Variants in MCM6 observed in about 807,000 individuals in gnomAD.
MCM6 encodes the protein minichromosome maintenance complex component 6.
A neutral mutation model predicts 94.3 loss-of-function variants in MCM6; 46 were observed. That is an observed-to-expected ratio of 0.49 (90% CI 0.39 to 0.62). The LOEUF (loss-of-function observed/expected upper bound fraction) is 0.62. Among genes scored for constraint, MCM6 ranks in the 20% least tolerant of loss-of-function variants. The pLI, the probability that MCM6 is intolerant of heterozygous loss-of-function variation, is 0.00. For missense variants in MCM6, 865 were observed against 1,017.9 expected (o/e 0.85, Z 2.04); for synonymous variants, 335 against 351.9 (o/e 0.95, Z 0.54).
chr2:135,871,137 G>A (rs1012139683), intron 2 of MCM6, among the ~76,000 whole-genome samples: 4 of 152,106 alleles, frequency 2.6e-5, no homozygotes, highest in Non-Finnish European at 5.9e-5. Context: ...CATTTGACTG[G>A]TGAGAGTGAA....
chr2:135,864,521 C>T (rs1421633750), intron 7 of MCM6, among the ~76,000 whole-genome samples: 1 of 151,970 alleles, frequency 6.6e-6, no homozygotes, highest in African/African-American at 2.4e-5. Context: ...ACAAAAAGGC[C>T]AGGAGACTAG....
Position 135,866,621 on chromosome 2 carries a change from C to A in MCM6, c.723G>T (p.Lys241Asn). 1 of 1,614,188 alleles carries A rather than the reference C, an allele frequency of 6.2e-7. No individual in the cohort carries two copies. The highest frequency in any genetic ancestry group is 1.1e-5 in the South Asian group (1 of 91,082). Residue 241 changes from lysine (K) to asparagine (N), a missense_variant, in exon 5 of 17, where the codon AAG becomes AAT. This residue lies in a region of MCM6 where 404 missense variants were observed against 451.9 expected (regional missense o/e 0.89). Transcript: ENST00000264156. ...EAVESAQAGD[K>N]CDFTGTLIVV... is the part of the protein sequence containing the mutation. ...CAATCAGTGTCCCTGTAAAGTCACA[C>A]TTGTCACCAGCTTGAGCTGATTCCA...
chr2:135,842,361 A>C (rs1679591279), intron 16 of MCM6, among the ~76,000 whole-genome samples: 1 of 152,154 alleles, frequency 6.6e-6, no homozygotes, highest in Admixed American at 6.6e-5. Flanking sequence ...TTTTGAGAAG[A>C]CACAACCCCA....
rs1679949092 is a variant in MCM6, at chr2:135,859,544, G to A, written c.1221-102C>T. 13 of 735,734 alleles carry A rather than the reference G, an allele frequency of 1.8e-5. No homozygotes were observed. In the South Asian group the frequency reaches 2.8e-4, roughly 16 times the overall value. The allele number at this position is 735,734 out of a possible 1,614,324, so 45.6% of individuals were successfully genotyped here. On this transcript the variant is annotated intron_variant, in intron 8 of 16. Coordinates refer to ENST00000264156, the MANE Select transcript of MCM6 (RefSeq NM_005915.6). ...TTTAAATTACTGAAAGAACATTTGA[G>A]AGCTTAAGCAATTCATGAAGACACA...
rs748580269 is a variant in MCM6 at position 135,844,547 on chromosome 2, A to G, written c.2347T>C (p.Tyr783His). 3.8e-6 allele frequency: 6 copies of G among 1,558,878 alleles called. No homozygotes were observed. The highest frequency in any genetic ancestry group is 2.4e-5 in the East Asian group (1 of 42,336). ...AGCACGCGCACTTCTGCACCTACAT[A>G]GTGTGTGAGTCGATGAATAACTTTC... ...IEKVIHRLTH[Y>H]DHVLIELTQA... The change falls in exon 16 of 17, where the codon TAT (tyrosine) becomes CAT (histidine). Residue 783 changes from tyrosine (Y) to histidine (H), a missense_variant and splice_region_variant. This residue lies in a region of MCM6 where 308 missense variants were observed against 324.5 expected (regional missense o/e 0.95). Coordinates refer to ENST00000264156, the MANE Select transcript of MCM6 (RefSeq NM_005915.6).
At chr2:135,842,234 C>G (rs1679586487) in intron 16 of MCM6, among the ~76,000 whole-genome samples, 1 of 152,160 alleles carries the variant, frequency 6.6e-6, no homozygotes, top group Non-Finnish European at 1.5e-5. Flanking sequence ...TCCCAAGGAG[C>G]ACACAGACAT....
chr2:135,872,951 C>G, intron 1 of MCM6, 108 bp from the exon 2 acceptor site: 3 of 1,346,478 alleles, frequency 2.2e-6, no homozygotes, highest in Non-Finnish European at 3.0e-6. Flanking sequence ...CAGACAGGCC[C>G]ATGTTTGGCA....
Position 135,856,834 on chromosome 2 carries a change from C to T in MCM6, c.1520G>A (p.Ser507Asn). 1 of 1,614,158 alleles carries T rather than the reference C, an allele frequency of 6.2e-7. No individual in the cohort carries two copies. Among genetic ancestry groups the T allele is most frequent in the Non-Finnish European group, 8.5e-7 (1 of 1,180,010 alleles). Reference protein sequence around the residue: ...TSILAAANPISGHYDRSKSLK... With the variant: ...TSILAAANPINGHYDRSKSLK... The stretch of plus-strand genomic sequence containing the variant: ...TGATTTTGATCTGTCATAGTGTCCA[C>T]TGATTGGGTTTGCTGCTGCCAAAAT... Residue 507 changes from serine to asparagine, a missense_variant, in exon 11 of 17, where the codon AGT (serine) becomes AAT (asparagine). Around this residue, in one of 3 missense-constraint regions of MCM6, gnomAD observed 153 missense variants for 241.5 expected, o/e 0.63. Transcript: ENST00000264156.
rs1257541298 is a variant in MCM6, at chr2:135,839,800, T to G, written c.*1035A>C. The G allele has an allele frequency of 2.0e-5, 3 of 152,226 alleles. No individual in the cohort carries two copies. Among genetic ancestry groups the G allele is most frequent in the African/African-American group, 7.2e-5 (3 of 41,460 alleles). 9.4% of individuals were successfully genotyped at this position (152,226 alleles called of 1,614,324 possible). A position where few individuals can be genotyped will look rare whatever the true frequency, so the allele number is the denominator to read the frequency against. ...ATCTGTCTTGCTTTCTACTAATAGA[T>G]TTCTGGCTGCTCAAATTCACATTGC... is the stretch of plus-strand genomic sequence containing the variant. On this transcript the variant is annotated 3_prime_UTR_variant, in exon 17 of 17. Coordinates refer to ENST00000264156, the MANE Select transcript of MCM6 (RefSeq NM_005915.6).
intron 14 of MCM6, among the ~76,000 whole-genome samples, chr2:135,847,046 A>G (rs1423609087): frequency 1.3e-5 from 2 of 152,254 alleles, no homozygotes; most frequent in Middle Eastern, 3.4e-3. Flanking sequence ...AAAAACATGC[A>G]TACAGTTATA....
chr2:135,863,731 CAAAACA>C (rs968827692), intron 7 of MCM6, among the ~76,000 whole-genome samples: 2 of 131,716 alleles, frequency 1.5e-5, no homozygotes, highest in African/African-American at 7.9e-5. Flanking sequence ...CCTAACAAAA[CAAAACA>C]AAACAAAACA....
chr2:135,867,959 G>A (rs997929580), intron 4 of MCM6, among the ~76,000 whole-genome samples: 4 of 151,970 alleles, frequency 2.6e-5, no homozygotes, highest in South Asian at 2.1e-4. Context: ...CCCAGGAGGC[G>A]GAGCTTGCAG....
intron 1 of MCM6, among the ~76,000 whole-genome samples, chr2:135,874,956 G>A (rs1422225090): frequency 6.6e-6 from 1 of 152,202 alleles, no homozygotes; most frequent in Non-Finnish European, 1.5e-5. Flanking sequence ...CTTATATGAG[G>A]TACCTAGAGT....
intron 1 of MCM6, among the ~76,000 whole-genome samples, chr2:135,874,088 G>C (rs925281566): frequency 1.4e-4 from 22 of 152,224 alleles, no homozygotes; most frequent in African/African-American, 5.1e-4. Context: ...TTTATTTTGT[G>C]ACAGGGAGTT....
At chr2:135,842,547 A>G (rs1431206814) in intron 16 of MCM6, among the ~76,000 whole-genome samples, 1 of 152,210 alleles carries the variant, frequency 6.6e-6, no homozygotes, top group Non-Finnish European at 1.5e-5. Flanking sequence ...ATATTCCATA[A>G]GAGAGACAAA....
Position 135,872,734 on chromosome 2 carries a change from G to C in MCM6, c.217C>G (p.Gln73Glu). Residue 73 changes from glutamine to glutamate, a missense_variant, in exon 2 of 17, where the codon CAG becomes GAG. Gln to Glu is a conservative substitution (Grantham distance 29). This residue lies in a region of MCM6 where 404 missense variants were observed against 451.9 expected (regional missense o/e 0.89). Coordinates refer to ENST00000264156, the MANE Select transcript of MCM6 (RefSeq NM_005915.6). Reference protein sequence around the residue: ...VSFVDLEQFNQQLSTTIQEEF... With the variant: ...VSFVDLEQFNEQLSTTIQEEF... ...TCTTGAATGGTGGTGGAAAGTTGCT[G>C]GTTAAATTGTTCCAGGTCCACAAAA... is the stretch of plus-strand genomic sequence containing the variant. The C allele has an allele frequency of 6.2e-7, 1 of 1,614,124 alleles. No individual in the cohort carries two copies. The highest frequency in any genetic ancestry group is 8.5e-7 in the Non-Finnish European group (1 of 1,180,010).
intron 14 of MCM6, among the ~76,000 whole-genome samples, chr2:135,847,386 C>A (rs1165611825): frequency 2.6e-5 from 4 of 152,094 alleles, no homozygotes; most frequent in African/African-American, 9.7e-5. Context: ...GCATTCAAGC[C>A]TGGGTGACAG....
intron 16 of MCM6, among the ~76,000 whole-genome samples, chr2:135,842,401 G>A (rs189381549): frequency 5.8e-4 from 89 of 152,224 alleles, no homozygotes; most frequent in African/African-American, 8.2e-4. Flanking sequence ...TTTATATAGT[G>A]AGCCCTGTGA....
At chr2:135,845,856 C>T (rs1015817990) in intron 15 of MCM6, among the ~76,000 whole-genome samples, 3 of 152,162 alleles carry the variant, frequency 2.0e-5, no homozygotes, top group African/African-American at 7.2e-5. Context: ...GATTTCTAGG[C>T]TCAATTAATT....
Sources: gnomAD v4.1 joint callset for allele counts (sites outside exome capture counted in the v4.1 genomes callset) on GRCh38, gnomAD v4.1.1 for gene constraint, gnomAD v4.1.1 regional missense constraint, MANE v1.5 for transcripts, NCBI Gene and HGNC (gene_info 2026-07-23, HGNC 2026-07-21) for gene names.